Variants in KCTD10 observed in about 807,000 individuals in gnomAD.
The protein encoded by KCTD10 is BTB/POZ domain-containing adapter for CUL3-mediated RhoA degradation protein 3.
Under a neutral mutation model 34.6 loss-of-function variants are expected in KCTD10, and 13 were observed. The observed-to-expected ratio is 0.38, with a 90% CI of 0.24 to 0.60. KCTD10 has a LOEUF of 0.60. Among genes scored for constraint, KCTD10 ranks in the 20% least tolerant of loss-of-function variants. The probability of loss-of-function intolerance (pLI) is 0.66; values close to 1 mark genes in which losing one functional copy is unlikely to be tolerated. For synonymous variants in KCTD10, 156 were observed against 168.8 expected, an observed-to-expected ratio of 0.92 and a Z score of 0.59; for missense variants, 256 against 420.3, an observed-to-expected ratio of 0.61 and a Z score of 3.42.
chr12:109,466,556 GA>G (rs1873597856), intron 2 of KCTD10, among the ~76,000 whole-genome samples: 1 of 151,362 alleles, frequency 6.6e-6, no homozygotes, highest in Admixed American at 6.6e-5. Context: ...GCCAGGTGTT[GA>G]ACCCAGGCCT....
rs1368521823 is a variant in KCTD10, at chr12:109,453,381, CAG to C, written c.724-1570_724-1569del. ...TTTTTTAAAAAATTTTTGGTAGAGA[CAG>C]GGGTGTTGCTATGTTGCCCAGGCTG... On this transcript the variant is annotated intron_variant, in intron 6 of 6. Coordinates refer to ENST00000228495, the MANE Select transcript of KCTD10 (RefSeq NM_031954.5). Among the ~76,000 whole-genome samples, 4 of 151,874 alleles carry C rather than the reference CAG, an allele frequency of 2.6e-5. No individual in the cohort carries two copies. The East Asian group carries it at 5.8e-4, about 22-fold the overall frequency.
At chr12:109,468,714 G>A (rs1873719434) in intron 2 of KCTD10, among the ~76,000 whole-genome samples, 2 of 149,432 alleles carry the variant, frequency 1.3e-5, no homozygotes, top group Admixed American at 6.7e-5. Flanking sequence ...GTGCAGTGGC[G>A]CGATCTCAGC....
chr12:109,457,522 T>A (rs1166287316), intron 5 of KCTD10, 108 bp downstream of exon 5: 4 of 879,314 alleles, frequency 4.5e-6, no homozygotes, highest in Non-Finnish European at 7.7e-6. Context: ...GGCAGAGAGG[T>A]ACAGAGGGGT....
intron 3 of KCTD10, chr12:109,458,648 G>A (rs897770714): frequency 2.8e-4 from 43 of 154,242 alleles, no homozygotes; most frequent in Admixed American, 2.7e-3. Flanking sequence ...TCCTGCAGTG[G>A]TTTGCACGGT....
intron 6 of KCTD10, among the ~76,000 whole-genome samples, chr12:109,452,282 T>C (rs1473226927): frequency 1.3e-5 from 2 of 152,230 alleles, no homozygotes; most frequent in Non-Finnish European, 2.9e-5. Context: ...TCAGTGCTAA[T>C]ATGCTTCTCC....
At chr12:109,455,051 A>G (rs1198448618) in intron 6 of KCTD10, among the ~76,000 whole-genome samples, 1 of 152,086 alleles carries the variant, frequency 6.6e-6, no homozygotes, top group East Asian at 1.9e-4. Flanking sequence ...GAAAAAAAAA[A>G]AACAGTTCAC....
intron 2 of KCTD10, among the ~76,000 whole-genome samples, chr12:109,465,125 T>C (rs1160374729): frequency 6.6e-6 from 1 of 152,050 alleles, no homozygotes; most frequent in East Asian, 1.9e-4. Flanking sequence ...GGGGAAAGCG[T>C]TCAAGGATGT....
intron 1 of KCTD10, among the ~76,000 whole-genome samples, chr12:109,476,433 C>G (rs1874273631): frequency 6.6e-6 from 1 of 152,144 alleles, no homozygotes; most frequent in Non-Finnish European, 1.5e-5. Flanking sequence ...CTTTGGTCAT[C>G]TCTACCCAGG....
chr12:109,454,826 T>C (rs890494658), intron 6 of KCTD10, among the ~76,000 whole-genome samples: 4 of 152,214 alleles, frequency 2.6e-5, no homozygotes, highest in Non-Finnish European at 5.9e-5. Flanking sequence ...TGAACCTGTC[T>C]GCTAATCTAG....
intron 1 of KCTD10, 93 bp downstream of exon 1, chr12:109,477,167 C>A: frequency 6.6e-7 from 1 of 1,504,026 alleles, no homozygotes; most frequent in Non-Finnish European, 9.1e-7. Flanking sequence ...CCCCTCATCA[C>A]ACCCCCTCCT....
intron 2 of KCTD10, among the ~76,000 whole-genome samples, chr12:109,465,124 G>A (rs1040628806): frequency 1.3e-5 from 2 of 152,158 alleles, no homozygotes; most frequent in South Asian, 2.1e-4. Flanking sequence ...CGGGGAAAGC[G>A]TTCAAGGATG....
chr12:109,459,914 A>C (rs1393411811), intron 3 of KCTD10, among the ~76,000 whole-genome samples: 2 of 152,236 alleles, frequency 1.3e-5, no homozygotes, highest in Non-Finnish European at 2.9e-5. Flanking sequence ...CATGTGCATC[A>C]CTTTCAACAG....
chr12:109,459,777 A>G (rs78612465), intron 3 of KCTD10: 1 of 152,238 alleles, frequency 6.6e-6, no homozygotes, highest in Non-Finnish European at 1.5e-5. Context: ...ATGTGGAAAC[A>G]TAAATGTGAA....
rs1424361758 is a variant in KCTD10 at position 109,477,254 on chromosome 12, C to A, written c.3+6G>T. ...ACCCCTAGTCCATGGGCACCGCCCT[C>A]CCTACCATGAAAAGTCGGAGGACGC... On this transcript the variant is annotated splice_donor_region_variant and intron_variant, in intron 1 of 6. Transcript: ENST00000228495. The A allele has an allele frequency of 2.5e-6, 4 of 1,613,872 alleles. No homozygotes were observed. The African/African-American group carries it at 4.0e-5, about 16-fold the overall frequency.
In KCTD10 at chr12:109,456,299, T is replaced by C. The variant is rs1251839087; in HGVS notation, c.542A>G (p.Asn181Ser). 2 of 1,614,064 alleles carry C rather than the reference T, an allele frequency of 1.2e-6. No individual in the cohort carries two copies. The highest frequency in any genetic ancestry group is 1.7e-5 in the Admixed American group (1 of 60,022). ...AAACAGTTCAATGTTTTTCAACATATTGTCGTCAGAATTGCTGCAAAAGAG... is the reference window on the plus strand; with the variant it reads ...AAACAGTTCAATGTTTTTCAACATACTGTCGTCAGAATTGCTGCAAAAGAG... The part of the protein sequence containing the change: ...KYSYTSNSDD[N>S]MLKNIELFDK... The change falls in exon 6 of 7, where the codon AAT (asparagine) becomes AGT (serine). Residue 181 changes from asparagine to serine, a missense_variant. By Grantham distance (46) the Asn-to-Ser change is conservative. This residue lies in a region of KCTD10 where 41 missense variants were observed against 124.2 expected (regional missense o/e 0.33). Transcript: ENST00000228495.
At chr12:109,474,204 C>T (rs1874035532) in intron 1 of KCTD10, among the ~76,000 whole-genome samples, 1 of 152,128 alleles carries the variant, frequency 6.6e-6, no homozygotes, top group Non-Finnish European at 1.5e-5. Context: ...CATGAACCAC[C>T]GTGCCTGGCC....
chr12:109,465,281 C>T (rs773613681), intron 2 of KCTD10, among the ~76,000 whole-genome samples: 5 of 152,174 alleles, frequency 3.3e-5, no homozygotes, highest in Admixed American at 2.6e-4. Flanking sequence ...ATTGATCTCA[C>T]AAGCATAATG....
In KCTD10 at chr12:109,451,615, G is replaced by A. The variant is rs778658209; in HGVS notation, c.922C>T (p.Arg308Trp). 4.4e-6 allele frequency: 7 copies of A among 1,608,450 alleles called. No individual in the cohort carries two copies. Among genetic ancestry groups the A allele is most frequent in the South Asian group, 1.1e-5 (1 of 90,796 alleles). Residue 308 changes from arginine (R) to tryptophan (W), a missense_variant, in exon 7 of 7, where the codon CGG becomes TGG. This residue lies in a region of KCTD10 where 60 missense variants were observed against 89.0 expected (regional missense o/e 0.67). Coordinates refer to ENST00000228495, the MANE Select transcript of KCTD10 (RefSeq NM_031954.5). The surrounding 1 kb of genome is among the most constrained non-coding windows in gnomAD (Gnocchi z 5.0). ...RRIHIKRPDD[R>W]AHLHQ is the part of the protein sequence containing the mutation. Reference sequence around the variant, plus strand: ...CCTGCTCACTGGTGGAGGTGGGCCCGGTCATCAGGGCGCTTGATGTGGATC... The same window carrying A: ...CCTGCTCACTGGTGGAGGTGGGCCCAGTCATCAGGGCGCTTGATGTGGATC...
intron 6 of KCTD10, among the ~76,000 whole-genome samples, chr12:109,453,589 T>C (rs757663719): frequency 2.6e-5 from 4 of 152,198 alleles, no homozygotes; most frequent in Non-Finnish European, 5.9e-5. Flanking sequence ...CCTTCTTTTC[T>C]GATGAGAAGA....
Sources: allele counts gnomAD v4.1 joint callset (sites outside exome capture counted in the v4.1 genomes callset), GRCh38; gene constraint gnomAD v4.1.1; regional missense constraint gnomAD v4.1.1; non-coding constraint Gnocchi (gnomAD v3.1); transcripts MANE v1.5; gene names NCBI Gene and HGNC (gene_info 2026-07-23, HGNC 2026-07-21).